The following SORCS3 variants were observed in gnomAD, a reference collection of about 807,000 sequenced individuals.
The protein encoded by SORCS3 is sortilin related VPS10 domain containing receptor 3.
Under a neutral mutation model 146.3 loss-of-function variants are expected in SORCS3, and 57 were observed. That is an observed-to-expected ratio of 0.39 (90% CI 0.31 to 0.49). The LOEUF is 0.49. Among genes scored for constraint, SORCS3 ranks in the 20% least tolerant of loss-of-function variants. The pLI, the probability that SORCS3 is intolerant of heterozygous loss-of-function variation, is 0.92. For missense variants in SORCS3, 1,341 were observed against 1,575.5 expected (o/e 0.85, Z 2.52); for synonymous variants, 653 against 618.5 (o/e 1.06, Z -0.83).
intron 1 of SORCS3, among the ~76,000 whole-genome samples, chr10:104,708,957 A>G (rs1422721684): frequency 1.3e-5 from 2 of 152,196 alleles, no homozygotes; most frequent in Non-Finnish European, 2.9e-5. Context: ...CTATTATGAC[A>G]TTATGATGGA....
intron 16 of SORCS3, among the ~76,000 whole-genome samples, chr10:105,203,985 T>C (rs2056587980): frequency 6.6e-6 from 1 of 152,128 alleles, no homozygotes; most frequent in Non-Finnish European, 1.5e-5. Flanking sequence ...TCTGATCCAT[T>C]TACTTCAGTA....
intron 23 of SORCS3, 39 bp downstream of exon 23, chr10:105,252,945 C>T (rs756731466): frequency 1.2e-6 from 2 of 1,603,808 alleles, no homozygotes; most frequent in South Asian, 2.2e-5. Context: ...CTTGCCTGCA[C>T]CCTACACCCT....
chr10:104,979,980 A>T (rs2054923244), intron 4 of SORCS3, among the ~76,000 whole-genome samples: 1 of 152,206 alleles, frequency 6.6e-6, no homozygotes, highest in African/African-American at 2.4e-5. Flanking sequence ...TCATACCAAG[A>T]GGTTGATAAA....
intron 1 of SORCS3, among the ~76,000 whole-genome samples, chr10:104,741,007 G>A (rs953660566): frequency 1.3e-5 from 2 of 151,832 alleles, no homozygotes; most frequent in African/African-American, 2.4e-5. Context: ...TGTCACCCAG[G>A]CTAGAATGCA....
chr10:104,644,003 A>G (rs747999242), intron 1 of SORCS3, among the ~76,000 whole-genome samples: 6 of 152,198 alleles, frequency 3.9e-5, no homozygotes, highest in Non-Finnish European at 7.3e-5. Context: ...TTAACTGTGC[A>G]TGGCCTTCTT....
intron 3 of SORCS3, among the ~76,000 whole-genome samples, chr10:104,936,798 C>T (rs1329460781): frequency 1.3e-5 from 2 of 152,226 alleles, no homozygotes; most frequent in African/African-American, 2.4e-5. Context: ...AAAACTTTCT[C>T]AGTGATCAAC....
At position 105,148,315 on chromosome 10, in the gene SORCS3, T is replaced by C. The variant is rs543062385; in HGVS notation, c.1482+519T>C. Among the ~76,000 whole-genome samples the C allele has an allele frequency of 1.4e-4, 21 of 152,258 alleles. No individual in the cohort carries two copies. In the South Asian group the frequency reaches 4.1e-3, roughly 30 times the overall value. ...CCGACATCTATGCAGGGTAAAAAAC[T>C]GGCCTTGACATAAGTGTGTCACTTA... On this transcript the variant is annotated intron_variant, in intron 9 of 26. Transcript: ENST00000369701.
chr10:104,920,023 C>T (rs759601515), intron 3 of SORCS3, among the ~76,000 whole-genome samples: 25 of 152,172 alleles, frequency 1.6e-4, no homozygotes, highest in South Asian at 4.1e-4. Flanking sequence ...TTCTTTACGT[C>T]TTCAAGTTTA....
At chr10:104,912,520 G>T (rs2018979518) in intron 2 of SORCS3, among the ~76,000 whole-genome samples, 1 of 152,212 alleles carries the variant, frequency 6.6e-6, no homozygotes, top group Admixed American at 6.5e-5. Context: ...TGTTGTGCTA[G>T]CATCCAAAGC....
At chr10:105,088,054 G>T (rs1278307937) in intron 5 of SORCS3, among the ~76,000 whole-genome samples, 1 of 152,188 alleles carries the variant, frequency 6.6e-6, no homozygotes, top group East Asian at 1.9e-4. Context: ...ACTGCTGGAG[G>T]GGCAAGGCCC....
chr10:105,201,072 C>T lies in SORCS3; in HGVS notation c.2128-48C>T, dbSNP rs367775587. ...TCTTGTTGACAACTGGTTTATTTCACCACCTTTTTGTTTTTCTGTCTCTCA... is the reference window on the plus strand; with the variant it reads ...TCTTGTTGACAACTGGTTTATTTCATCACCTTTTTGTTTTTCTGTCTCTCA... On this transcript the variant is annotated intron_variant, in intron 15 of 26. Transcript: ENST00000369701. 8.0e-5 allele frequency: 128 copies of T among 1,595,670 alleles called. No homozygotes were observed. The East Asian group carries it at 2.0e-3, about 25-fold the overall frequency.
chr10:105,071,097 CT>C (rs1422238566), intron 5 of SORCS3, among the ~76,000 whole-genome samples: 1 of 152,150 alleles, frequency 6.6e-6, no homozygotes, highest in Non-Finnish European at 1.5e-5. Context: ...AAGGGATCAG[CT>C]TTTTCTTCTT....
intron 8 of SORCS3, among the ~76,000 whole-genome samples, chr10:105,140,561 A>C (rs2056088144): frequency 6.6e-6 from 1 of 152,178 alleles, no homozygotes; most frequent in Admixed American, 6.6e-5. Flanking sequence ...TTAGTCAACT[A>C]TGGGTAGTGA....
At chr10:105,037,619 C>T (rs1045394918) in intron 4 of SORCS3, among the ~76,000 whole-genome samples, 4 of 152,116 alleles carry the variant, frequency 2.6e-5, no homozygotes, top group African/African-American at 7.2e-5. Flanking sequence ...TCCCTGTCTG[C>T]CTGTCTGCTT....
chr10:104,968,016 G>A (rs866928737), intron 3 of SORCS3, among the ~76,000 whole-genome samples: 1 of 152,198 alleles, frequency 6.6e-6, no homozygotes, highest in Middle Eastern at 3.4e-3. Flanking sequence ...TATGTGCCTG[G>A]TAGTGTGCTA....
At chr10:105,191,161 G>A (rs2119593451) in intron 14 of SORCS3, among the ~76,000 whole-genome samples, 1 of 152,322 alleles carries the variant, frequency 6.6e-6, no homozygotes, top group South Asian at 2.1e-4. Flanking sequence ...GTTCTAAGAA[G>A]TTAAAATCTA....
At chr10:105,041,378 C>A (rs1187457602) in intron 4 of SORCS3, among the ~76,000 whole-genome samples, 1 of 143,682 alleles carries the variant, frequency 7.0e-6, no homozygotes, top group Non-Finnish European at 1.5e-5. Flanking sequence ...ATATACCTGA[C>A]AACATTACAG....
At chr10:105,260,039 C>T (rs958921181) in intron 25 of SORCS3, among the ~76,000 whole-genome samples, 11 of 152,124 alleles carry the variant, frequency 7.2e-5, no homozygotes, top group Non-Finnish European at 1.3e-4. Flanking sequence ...AGCAACTTGA[C>T]AAATTTTTAA....
At chr10:104,935,452 C>T (rs746151599) in intron 3 of SORCS3, among the ~76,000 whole-genome samples, 5 of 152,140 alleles carry the variant, frequency 3.3e-5, no homozygotes, top group Admixed American at 6.5e-5. Flanking sequence ...AGGGTGGGGT[C>T]CAGGGTTGGC....
Sources: gnomAD v4.1 joint callset for allele counts (sites outside exome capture counted in the v4.1 genomes callset) on GRCh38, gnomAD v4.1.1 for gene constraint, MANE v1.5 for transcripts, NCBI Gene and HGNC (gene_info 2026-07-23, HGNC 2026-07-21) for gene names.